Variants in ZFP41 observed in about 807,000 individuals in gnomAD.
The protein encoded by ZFP41 is ZFP41 zinc finger protein.
ZFP41 carries 10 observed loss-of-function variants against 11.6 expected under a neutral mutation model. The ratio of observed to expected loss-of-function variants is 0.86; its 90% CI spans 0.53 to 1.47. The LOEUF is 1.47. Among genes scored for constraint, ZFP41 ranks in the 40% most tolerant of loss-of-function variants. The probability of loss-of-function intolerance (pLI) is 0.00; values close to 1 mark genes in which losing one functional copy is unlikely to be tolerated. For missense variants in ZFP41, 302 were observed against 264.6 expected, an observed-to-expected ratio of 1.14 and a Z score of -0.98; for synonymous variants, 123 against 100.9, an observed-to-expected ratio of 1.22 and a Z score of -1.31.
rs189517844 is a variant in ZFP41 at position 143,261,406 on chromosome 8, G to C, written c.*2532G>C. 6.5e-6 allele frequency: 1 copy of C among 152,672 alleles called. No individual in the cohort carries two copies. Among genetic ancestry groups the C allele is most frequent in the East Asian group, 1.9e-4 (1 of 5,176 alleles). 9.5% of individuals were successfully genotyped at this position (152,672 alleles called of 1,614,324 possible). ...GTGGGCAGGGCTCCTGAGAAGCCGG[G>C]GCAGGGCAGGGTGTCTCTGAGGTCA... On this transcript the variant is annotated 3_prime_UTR_variant, in exon 3 of 3. Coordinates refer to ENST00000330701, the MANE Select transcript of ZFP41 (RefSeq NM_173832.6).
rs1814714710 is a variant in ZFP41, at chr8:143,250,549, G to A, written c.*109G>A. The A allele has an allele frequency of 6.6e-7, 1 of 1,508,864 alleles. No individual in the cohort carries two copies. The highest frequency in any genetic ancestry group is 1.4e-5 in the African/African-American group (1 of 71,464). 93.5% of individuals were successfully genotyped at this position (1,508,864 alleles called of 1,614,324 possible). On this transcript the variant is annotated 3_prime_UTR_variant, in exon 2 of 3. Transcript: ENST00000330701. Reference sequence around the variant, plus strand: ...ATGGGGGCGCAGGGCCGTGCGCACTGTGTTCCGTGCCCTGGGGACCCCCGG... The same window carrying A: ...ATGGGGGCGCAGGGCCGTGCGCACTATGTTCCGTGCCCTGGGGACCCCCGG...
intron 2 of ZFP41, among the ~76,000 whole-genome samples, chr8:143,256,130 C>G (rs368154115): frequency 0.09 from 1,292 of 14,318 alleles, 2 homozygotes; most frequent in African/African-American, 0.14. Context: ...AGTGAGATCA[C>G]GGCTCGCCCC....
chr8:143,250,595 T>G lies in ZFP41; in HGVS notation c.*155T>G. ...CCCGGAAAAGCAGCCCAGTCAGATGTGGGAACGTGCCAGCGAGGGAGAGAC... is the reference window on the plus strand; with the variant it reads ...CCCGGAAAAGCAGCCCAGTCAGATGGGGGAACGTGCCAGCGAGGGAGAGAC... On this transcript the variant is annotated 3_prime_UTR_variant, in exon 2 of 3. Transcript: ENST00000330701. 8.0e-7 allele frequency: 1 copy of G among 1,245,898 alleles called. No homozygotes were observed. Among genetic ancestry groups the G allele is most frequent in the Non-Finnish European group, 1.1e-6 (1 of 907,152 alleles). 77.2% of individuals were successfully genotyped at this position (1,245,898 alleles called of 1,614,324 possible). A position where few individuals can be genotyped will look rare whatever the true frequency, so the allele number is the denominator to read the frequency against.
intron 2 of ZFP41, among the ~76,000 whole-genome samples, chr8:143,258,563 C>T (rs1275569327): frequency 6.6e-6 from 1 of 152,232 alleles, no homozygotes; most frequent in Non-Finnish European, 1.5e-5. Context: ...GTTACTTACC[C>T]TGACCACTGT....
chr8:143,260,817 A>C lies in ZFP41; in HGVS notation c.*1943A>C, dbSNP rs1815021171. 5.6e-6 allele frequency: 1 copy of C among 178,042 alleles called. No individual in the cohort carries two copies. The highest frequency in any genetic ancestry group is 9.1e-5 in the South Asian group (1 of 10,970). 11.0% of individuals were successfully genotyped at this position (178,042 alleles called of 1,614,324 possible). A position where few individuals can be genotyped will look rare whatever the true frequency, so the allele number is the denominator to read the frequency against. On this transcript the variant is annotated 3_prime_UTR_variant, in exon 3 of 3. Transcript: ENST00000330701. Reference sequence around the variant, plus strand: ...TCAGCTGCCCTGACCAGCGGGCACCATCCTCCCAGCCTCACTCGGCCAGCC... The same window carrying C: ...TCAGCTGCCCTGACCAGCGGGCACCCTCCTCCCAGCCTCACTCGGCCAGCC...
rs370580761 is a variant in ZFP41, at chr8:143,250,112, G to A, written c.269G>A (p.Ser90Asn). The A allele has an allele frequency of 6.2e-7, 1 of 1,614,086 alleles. No homozygotes were observed. Among genetic ancestry groups the A allele is most frequent in the Non-Finnish European group, 8.5e-7 (1 of 1,180,048 alleles). ...CAGAGGAAGAAACCCTATGAGTGCA[G>A]TGAGTGTGGGCGGATCTTTAAGCAC... The part of the protein sequence containing the change: ...PFQRKKPYEC[S>N]ECGRIFKHKT... The change falls in exon 2 of 3, where the codon AGT becomes AAT. Residue 90 changes from serine to asparagine, a missense_variant. Coordinates refer to ENST00000330701, the MANE Select transcript of ZFP41 (RefSeq NM_173832.6).
Position 143,248,718 on chromosome 8 carries a change from G to A in ZFP41, c.-154-972G>A, listed in dbSNP as rs149749712. 2.8e-3 allele frequency among the ~76,000 whole-genome samples: 421 copies of A among 152,038 alleles called. 4 individuals carry two copies. The highest frequency in any genetic ancestry group is 3.8e-3 in the Non-Finnish European group (259 of 67,992). On this transcript the variant is annotated intron_variant, in intron 1 of 2. Coordinates refer to ENST00000330701, the MANE Select transcript of ZFP41 (RefSeq NM_173832.6). ...CCCTGCCCACCCCAGCAGAGATGCTGCTTTATGCCTGCATCCTCCCTCAGC... is the reference window on the plus strand; with the variant it reads ...CCCTGCCCACCCCAGCAGAGATGCTACTTTATGCCTGCATCCTCCCTCAGC...
chr8:143,259,083 C>T (rs546292371), intron 2 of ZFP41, among the ~76,000 whole-genome samples: 10 of 152,288 alleles, frequency 6.6e-5, no homozygotes, highest in South Asian at 2.1e-4. Flanking sequence ...TCAGGAAAGC[C>T]GGAAAGAACC....
intron 2 of ZFP41, among the ~76,000 whole-genome samples, chr8:143,259,230 G>T (rs577673108): frequency 1.4e-4 from 21 of 152,190 alleles, no homozygotes; most frequent in Non-Finnish European, 2.5e-4. Context: ...AGAATGTAAG[G>T]CACAGAAGAC....
At position 143,250,464 on chromosome 8, in the gene ZFP41, G is replaced by C. The variant is rs370123049; in HGVS notation, c.*24G>C. 1.0e-4 allele frequency: 164 copies of C among 1,597,232 alleles called. No individual in the cohort carries two copies. Among genetic ancestry groups the C allele is most frequent in the Non-Finnish European group, 1.4e-4 (162 of 1,171,482 alleles). Reference sequence around the variant, plus strand: ...GAGCCGGGGCCATCTGCGGACTCGGGCCCTGCGGTGCGAGCCTCGCCGGAC... The same window carrying C: ...GAGCCGGGGCCATCTGCGGACTCGGCCCCTGCGGTGCGAGCCTCGCCGGAC... On this transcript the variant is annotated 3_prime_UTR_variant, in exon 2 of 3. Transcript: ENST00000330701.
At chr8:143,255,679 G>A (rs1434419800) in intron 2 of ZFP41, among the ~76,000 whole-genome samples, 1 of 133,818 alleles carries the variant, frequency 7.5e-6, no homozygotes, top group African/African-American at 2.9e-5. Flanking sequence ...GCTGGAGTTA[G>A]TGAGATCAGG....
intron 2 of ZFP41, among the ~76,000 whole-genome samples, chr8:143,257,474 G>C (rs1814939498): frequency 6.6e-6 from 1 of 152,110 alleles, no homozygotes; most frequent in South Asian, 2.1e-4. Context: ...TCCAGCTCAG[G>C]CAATAAAAGT....
intron 2 of ZFP41, among the ~76,000 whole-genome samples, chr8:143,256,628 A>G (rs1424458904): frequency 1.3e-5 from 2 of 152,386 alleles, no homozygotes; most frequent in Admixed American, 6.5e-5. Context: ...CTGTAATCCC[A>G]GTGCTTTGGA....
At chr8:143,252,767 CA>C in intron 2 of ZFP41, 3 of 358,344 alleles carry the variant, frequency 8.4e-6, no homozygotes, top group Non-Finnish European at 1.2e-5. Flanking sequence ...GTGGTCAGCC[CA>C]CTGCCGTCAG....
rs1000827676 is a variant in ZFP41 at position 143,247,010 on chromosome 8, A to C, written c.-287A>C. 6.6e-6 allele frequency: 1 copy of C among 152,440 alleles called. No individual in the cohort carries two copies. Among genetic ancestry groups the C allele is most frequent in the East Asian group, 1.9e-4 (1 of 5,202 alleles). The allele number at this position is 152,440 out of a possible 1,614,324, so 9.4% of individuals were successfully genotyped here. ...GGAGCTGTTGGGGGGTCCCGCATCT[A>C]GGGCTCTCCTTTCCTGCCTCCGGCC... On this transcript the variant is annotated 5_prime_UTR_variant, in exon 1 of 3. Transcript: ENST00000330701.
At chr8:143,258,242 G>C (rs1423470863) in intron 2 of ZFP41, among the ~76,000 whole-genome samples, 1 of 152,220 alleles carries the variant, frequency 6.6e-6, no homozygotes, top group Non-Finnish European at 1.5e-5. Flanking sequence ...GATCAGTTGA[G>C]CCCAGGAGGT....
At position 143,259,864 on chromosome 8, in the gene ZFP41, A is replaced by G. The variant is rs886946602; in HGVS notation, c.*990A>G. On this transcript the variant is annotated 3_prime_UTR_variant, in exon 3 of 3. Coordinates refer to ENST00000330701, the MANE Select transcript of ZFP41 (RefSeq NM_173832.6). ...CAAAACTAACAAAAAAGATTCGCAC[A>G]TTCCTCAGTTAGAGGAGGAGCAGAG... 6.6e-6 allele frequency: 1 copy of G among 152,362 alleles called. No individual in the cohort carries two copies. The highest frequency in any genetic ancestry group is 6.5e-5 in the Admixed American group (1 of 15,290). The allele number at this position is 152,362 out of a possible 1,614,324, so 9.4% of individuals were successfully genotyped here.
intron 1 of ZFP41, among the ~76,000 whole-genome samples, chr8:143,248,990 A>G (rs1192738256): frequency 2.0e-5 from 3 of 152,164 alleles, no homozygotes; most frequent in Non-Finnish European, 2.9e-5. Flanking sequence ...AGAGAATTCA[A>G]AGTATTTATG....
chr8:143,257,808 C>G (rs1814947722), intron 2 of ZFP41, among the ~76,000 whole-genome samples: 1 of 152,360 alleles, frequency 6.6e-6, no homozygotes, highest in African/African-American at 2.4e-5. Flanking sequence ...GACACGCACA[C>G]AGAATCCATC....
Sources: gnomAD v4.1 joint callset for allele counts (sites outside exome capture counted in the v4.1 genomes callset) on GRCh38, gnomAD v4.1.1 for gene constraint, MANE v1.5 for transcripts, NCBI Gene and HGNC (gene_info 2026-07-23, HGNC 2026-07-21) for gene names.